The following MGMT variants were observed in gnomAD, a reference collection of about 807,000 sequenced individuals.
MGMT encodes the protein O-6-methylguanine-DNA methyltransferase, also known as methylated-DNA--protein-cysteine methyltransferase.
A neutral mutation model predicts 15.9 loss-of-function variants in MGMT; 14 were observed. The ratio of observed to expected loss-of-function variants is 0.88; its 90% CI spans 0.58 to 1.37. The LOEUF (loss-of-function observed/expected upper bound fraction) is 1.37, where lower values mean the gene tolerates loss of function less well. Ranked by LOEUF, MGMT falls within the 40% of genes most tolerant of loss-of-function variation. The pLI is 0.00. For missense variants in MGMT, 282 were observed against 268.1 expected (o/e 1.05, Z -0.36); for synonymous variants, 130 against 118.2 (o/e 1.10, Z -0.65).
At chr10:129,696,500 A>G (rs1249615555) in intron 2 of MGMT, among the ~76,000 whole-genome samples, 3 of 152,254 alleles carry the variant, frequency 2.0e-5, no homozygotes, top group Admixed American at 1.3e-4. Context: ...AAAATCTGAA[A>G]AGGCAGAGAA....
intron 3 of MGMT, among the ~76,000 whole-genome samples, chr10:129,741,631 C>T (rs1444294917): frequency 6.6e-6 from 1 of 152,162 alleles, no homozygotes; most frequent in African/African-American, 2.4e-5. Context: ...CCCAGCTTAC[C>T]ATTACCACTG....
At chr10:129,730,451 C>A (rs972779174) in intron 3 of MGMT, among the ~76,000 whole-genome samples, 1 of 152,222 alleles carries the variant, frequency 6.6e-6, no homozygotes, top group African/African-American at 2.4e-5. Context: ...ATTCATTCTA[C>A]TGCAGAGGAG....
At position 129,506,680 on chromosome 10, in the gene MGMT, G is replaced by A. The variant is rs1056052477; in HGVS notation, c.-12-29561G>A. Among the ~76,000 whole-genome samples, 8 of 152,122 alleles carry A rather than the reference G, an allele frequency of 5.3e-5. No individual in the cohort carries two copies. In the East Asian group the frequency reaches 5.8e-4, roughly 11 times the overall value. On this transcript the variant is annotated intron_variant, in intron 1 of 4. Coordinates refer to ENST00000651593, the MANE Select transcript of MGMT (RefSeq NM_002412.5). Reference sequence around the variant, plus strand: ...CTCCCATCTCTCGTTCCTATAATCCGCTCTATCCGAAAGAGTCGACTTGCC... The same window carrying A: ...CTCCCATCTCTCGTTCCTATAATCCACTCTATCCGAAAGAGTCGACTTGCC...
At chr10:129,572,389 T>C (rs1395747068) in intron 2 of MGMT, among the ~76,000 whole-genome samples, 2 of 152,230 alleles carry the variant, frequency 1.3e-5, no homozygotes, top group Non-Finnish European at 2.9e-5. Flanking sequence ...TCAGAGAAAT[T>C]AATTTAAATC....
chr10:129,630,312 C>T (rs957136628), intron 2 of MGMT, among the ~76,000 whole-genome samples: 1 of 152,192 alleles, frequency 6.6e-6, no homozygotes, highest in African/African-American at 2.4e-5. Flanking sequence ...CTAGAGATTC[C>T]TCTGAAGGGC....
chr10:129,763,426 TC>T (rs1215432415), intron 4 of MGMT, among the ~76,000 whole-genome samples: 2 of 152,280 alleles, frequency 1.3e-5, no homozygotes, highest in East Asian at 1.9e-4. Flanking sequence ...AGTCACCTCT[TC>T]CCCATCACAG....
chr10:129,565,718 G>A (rs1335913681), intron 2 of MGMT, among the ~76,000 whole-genome samples: 1 of 152,120 alleles, frequency 6.6e-6, no homozygotes, highest in African/African-American at 2.4e-5. Flanking sequence ...GCATCTGAAC[G>A]TGGTGATGGA....
At chr10:129,613,615 C>T (rs573870193) in intron 2 of MGMT, among the ~76,000 whole-genome samples, 9 of 152,298 alleles carry the variant, frequency 5.9e-5, no homozygotes, top group Non-Finnish European at 1.0e-4. Context: ...TGTTTTTTAA[C>T]GCAACTTGAT....
intron 2 of MGMT, among the ~76,000 whole-genome samples, chr10:129,586,612 C>G (rs1450083326): frequency 6.6e-6 from 1 of 152,142 alleles, no homozygotes; most frequent in South Asian, 2.1e-4. Context: ...TGTGGGGATA[C>G]CACAGTTTAT....
At chr10:129,729,558 C>T (rs1353986203) in intron 3 of MGMT, among the ~76,000 whole-genome samples, 1 of 152,212 alleles carries the variant, frequency 6.6e-6, no homozygotes, top group Non-Finnish European at 1.5e-5. Context: ...TTGAATTCCT[C>T]AGCTGCCCCG....
chr10:129,757,945 G>C (rs991802463), intron 3 of MGMT, among the ~76,000 whole-genome samples: 10 of 152,158 alleles, frequency 6.6e-5, no homozygotes, highest in Non-Finnish European at 1.3e-4. Flanking sequence ...GCCACAAATG[G>C]TGTACAGTTT....
intron 1 of MGMT, among the ~76,000 whole-genome samples, chr10:129,495,316 T>C (rs1354078849): frequency 6.6e-6 from 1 of 152,244 alleles, no homozygotes; most frequent in Non-Finnish European, 1.5e-5. Context: ...GAGTTTTCTT[T>C]GAATCTCAAA....
intron 1 of MGMT, among the ~76,000 whole-genome samples, chr10:129,482,763 G>A (rs897726371): frequency 4.6e-5 from 7 of 152,058 alleles, no homozygotes; most frequent in Non-Finnish European, 1.0e-4. Context: ...ATTCTTTTAT[G>A]TTGAACCTGT....
intron 3 of MGMT, among the ~76,000 whole-genome samples, chr10:129,741,164 C>T (rs569208514): frequency 1.3e-5 from 2 of 152,294 alleles, no homozygotes; most frequent in Admixed American, 1.3e-4. Flanking sequence ...GTCTGAAAGT[C>T]AGCCTCCCCA....
intron 3 of MGMT, among the ~76,000 whole-genome samples, chr10:129,710,266 G>A (rs756630656): frequency 6.6e-6 from 1 of 152,230 alleles, no homozygotes; most frequent in Non-Finnish European, 1.5e-5. Flanking sequence ...GCCCTACAGT[G>A]CGGGTGGATA....
chr10:129,732,220 A>G (rs1285303883), intron 3 of MGMT, among the ~76,000 whole-genome samples: 2 of 152,254 alleles, frequency 1.3e-5, no homozygotes, highest in East Asian at 3.9e-4. Flanking sequence ...TTTGTTACGT[A>G]GGTATACATG....
chr10:129,598,286 C>T (rs1362954903), intron 2 of MGMT, among the ~76,000 whole-genome samples: 5 of 152,164 alleles, frequency 3.3e-5, no homozygotes, highest in African/African-American at 9.7e-5. Context: ...TTGAACCCTG[C>T]GTGGGCCACT....
intron 2 of MGMT, among the ~76,000 whole-genome samples, chr10:129,569,702 G>T (rs1390969817): frequency 2.0e-5 from 3 of 152,162 alleles, no homozygotes; most frequent in Admixed American, 2.0e-4. Context: ...TCCTGACCTT[G>T]TGCATCAGGG....
At chr10:129,692,900 T>C (rs986379020) in intron 2 of MGMT, among the ~76,000 whole-genome samples, 2 of 152,230 alleles carry the variant, frequency 1.3e-5, no homozygotes, top group South Asian at 4.1e-4. Context: ...GTTGCTCTCA[T>C]CCGTCGTTCC....
Sources: allele counts gnomAD v4.1 joint callset (sites outside exome capture counted in the v4.1 genomes callset), GRCh38; gene constraint gnomAD v4.1.1; transcripts MANE v1.5; gene names NCBI Gene and HGNC (gene_info 2026-07-23, HGNC 2026-07-21).